The following RYR3 variants were observed in gnomAD, a reference collection of about 807,000 sequenced individuals.
RYR3 encodes the protein ryanodine receptor 3.
RYR3 carries 207 observed loss-of-function variants against 584.3 expected under a neutral mutation model. The observed-to-expected ratio is 0.35, with a 90% confidence interval of 0.32 to 0.40. The LOEUF (loss-of-function observed/expected upper bound fraction) is 0.40. Ranked by LOEUF, RYR3 falls within the 10% of genes least tolerant of loss-of-function variation. The pLI, the probability that RYR3 is intolerant of heterozygous loss-of-function variation, is 1.00. For missense variants in RYR3, 5,616 were observed against 6,089.2 expected (o/e 0.92, Z 2.59); for synonymous variants, 2,416 against 2,248.5 (o/e 1.07, Z -2.11).
At chr15:33,765,030 C>CA (rs1183335863) in intron 60 of RYR3, among the ~76,000 whole-genome samples, 48,549 of 85,448 alleles carry the variant, frequency 0.57, 14,399 homozygotes, top group Admixed American at 0.7. Flanking sequence ...GACTTCGTCT[C>CA]AAAAAAAAAA....
At position 33,662,809 on chromosome 15, in the gene RYR3, C is replaced by A. The variant is rs777812122; in HGVS notation, c.5279C>A (p.Ala1760Glu). 16 of 1,613,784 alleles carry A rather than the reference C, an allele frequency of 9.9e-6. No individual in the cohort carries two copies. The highest frequency in any genetic ancestry group is 6.6e-5 in the South Asian group (6 of 91,066). ...IDPSVFGEHS[A>E]GTEEGAEKEE... ...CCCTCTGTGTTTGGGGAGCATAGTG[C>A]GGGGACAGAGGAGGGAGCAGAAAAG... Residue 1760 changes from alanine (A) to glutamate (E), a missense_variant, in exon 35 of 104, where the codon GCG becomes GAG. Physicochemically the swap from Ala to Glu is moderately radical, Grantham distance 107 (BLOSUM62 -1). This residue lies in a region of RYR3 where 753 missense variants were observed against 741.0 expected (regional missense o/e 1.02). Coordinates refer to ENST00000634891, the MANE Select transcript of RYR3 (RefSeq NM_001036.6).
chr15:33,486,375 A>G (rs2050424430), intron 2 of RYR3, among the ~76,000 whole-genome samples: 1 of 152,056 alleles, frequency 6.6e-6, no homozygotes, highest in Non-Finnish European at 1.5e-5. Flanking sequence ...CTCTGCCTCC[A>G]TCTTTACGTG....
At chr15:33,348,306 C>G (rs887230335) in intron 1 of RYR3, among the ~76,000 whole-genome samples, 3 of 152,132 alleles carry the variant, frequency 2.0e-5, no homozygotes, top group Non-Finnish European at 2.9e-5. Flanking sequence ...ACATGCAGTT[C>G]CTATAGCCTG....
intron 1 of RYR3, among the ~76,000 whole-genome samples, chr15:33,416,463 AG>A (rs1159030928): frequency 1.3e-5 from 2 of 152,218 alleles, no homozygotes; most frequent in East Asian, 3.9e-4. Flanking sequence ...AGTAATGATG[AG>A]CATTTTTCAT....
intron 1 of RYR3, among the ~76,000 whole-genome samples, chr15:33,374,891 A>G (rs2040609698): frequency 6.6e-6 from 1 of 152,178 alleles, no homozygotes; most frequent in African/African-American, 2.4e-5. Flanking sequence ...GAGCTTGCAA[A>G]TTGGTGCTCC....
chr15:33,456,899 T>C (rs2047606603), intron 1 of RYR3, among the ~76,000 whole-genome samples: 1 of 152,242 alleles, frequency 6.6e-6, no homozygotes, highest in Non-Finnish European at 1.5e-5. Context: ...AATTCTAAGC[T>C]GACTTAGAGA....
Position 33,779,015 on chromosome 15 carries a change from A to G in RYR3, c.9138-1196A>G, listed in dbSNP as rs557272042. Among the ~76,000 whole-genome samples, 8 of 152,348 alleles carry G rather than the reference A, an allele frequency of 5.3e-5. No individual in the cohort carries two copies. The East Asian group carries it at 1.4e-3, about 26-fold the overall frequency. ...GATCACTTTTTAAAATATGTTTGGT[A>G]ACTTGAATGAAGACTGGGTGGCTTT... is the stretch of plus-strand genomic sequence containing the variant. On this transcript the variant is annotated intron_variant, in intron 64 of 103. Coordinates refer to ENST00000634891, the MANE Select transcript of RYR3 (RefSeq NM_001036.6).
chr15:33,622,775 T>G (rs1430038895), intron 19 of RYR3, among the ~76,000 whole-genome samples: 1 of 152,226 alleles, frequency 6.6e-6, no homozygotes, highest in Non-Finnish European at 1.5e-5. Flanking sequence ...GGAAAACTGG[T>G]TGTATTTCCT....
intron 63 of RYR3, among the ~76,000 whole-genome samples, chr15:33,772,641 C>T (rs2073664948): frequency 6.6e-6 from 1 of 152,144 alleles, no homozygotes; most frequent in African/African-American, 2.4e-5. Flanking sequence ...GCATTAACAC[C>T]ATATTTAGTG....
rs773821075 is a variant in RYR3 at position 33,731,515 on chromosome 15, G to A, written c.7245G>A (p.Arg2415=). The part of the protein sequence containing the change: ...STTEAALALN[R]YICSAVLPLL... ...CAGAGGCTGCGCTTGCACTAAATAG[G>A]TATATATGTTCTGCTGTGCTCCCGC... Residue 2415 remains arginine, a synonymous_variant, in exon 48 of 104, where the codon AGG becomes AGA. Transcript: ENST00000634891. The A allele has an allele frequency of 5.6e-6, 9 of 1,613,554 alleles. No homozygotes were observed. The highest frequency in any genetic ancestry group is 1.6e-4 in the Middle Eastern group (1 of 6,062).
chr15:33,794,349 A>ATATATATCATATATATATGTG (rs2075450144), intron 67 of RYR3, among the ~76,000 whole-genome samples: 1 of 102,474 alleles, frequency 9.8e-6, no homozygotes, highest in Non-Finnish European at 2.0e-5. Flanking sequence ...ATATATAAAA[A>ATATATATCATATATATATGTG]TATATATATA....
chr15:33,785,888 C>T lies in RYR3; in HGVS notation c.9495C>T (p.Thr3165=), dbSNP rs1328800557. Residue 3165 remains threonine (T), a synonymous_variant, in exon 66 of 104, where the codon ACC becomes ACT. Coordinates refer to ENST00000634891, the MANE Select transcript of RYR3 (RefSeq NM_001036.6). ...CAGGGCCATGCTGCACCAAGGTCAC[C>T]TCTGAACACCTCAGTCTCATCCTGG... is the stretch of plus-strand genomic sequence containing the variant. ...PSTGPCCTKV[T]SEHLSLILGN... is the part of the protein sequence containing the mutation. 1.9e-6 allele frequency: 3 copies of T among 1,613,764 alleles called. No homozygotes were observed. The African/African-American group carries it at 4.0e-5, about 22-fold the overall frequency.
At chr15:33,826,647 C>G (rs2077392705) in intron 83 of RYR3, 25 bp from the exon 84 acceptor site, 1 of 1,586,074 alleles carries the variant, frequency 6.3e-7, no homozygotes, top group Non-Finnish European at 8.7e-7. Flanking sequence ...CAAACCAATG[C>G]TCATCAACGT....
rs1184006718 is a variant in RYR3, at chr15:33,834,925, C to G, written c.11464-43C>G. 3 of 1,536,690 alleles carry G rather than the reference C, an allele frequency of 2.0e-6. No individual in the cohort carries two copies. In the African/African-American group the frequency reaches 4.1e-5, roughly 21 times the overall value. On this transcript the variant is annotated intron_variant, in intron 86 of 103. Coordinates refer to ENST00000634891, the MANE Select transcript of RYR3 (RefSeq NM_001036.6). The stretch of plus-strand genomic sequence containing the variant: ...CCTTACTAGACAGGTTTCAGAGCAA[C>G]TTGTGATGTTTAAGTGACATAAGAA...
intron 89 of RYR3, among the ~76,000 whole-genome samples, chr15:33,839,466 A>AT (rs2078231020): frequency 6.6e-6 from 1 of 152,210 alleles, no homozygotes; most frequent in Non-Finnish European, 1.5e-5. Context: ...AGTCAACAAG[A>AT]TTAAGTGAAC....
At chr15:33,339,056 A>G (rs1971484928) in intron 1 of RYR3, among the ~76,000 whole-genome samples, 1 of 152,204 alleles carries the variant, frequency 6.6e-6, no homozygotes, top group Non-Finnish European at 1.5e-5. Context: ...TCTTTCTTAT[A>G]TCGGTGGTTG....
At chr15:33,465,167 A>G (rs1371824367) in intron 1 of RYR3, among the ~76,000 whole-genome samples, 6 of 152,080 alleles carry the variant, frequency 3.9e-5, no homozygotes, top group Admixed American at 2.6e-4. Context: ...TTGTTTTTGT[A>G]TCTTGGCTAT....
chr15:33,663,649 G>A lies in RYR3; in HGVS notation c.5531G>A (p.Arg1844His), dbSNP rs767357259. The stretch of plus-strand genomic sequence containing the variant: ...AAGCTGCAGGCAAATCAGAAGTTCC[G>A]CTACAATGAGCTCATGCAGGCCCTG... Reference protein sequence around the residue: ...VSKLQANQKFRYNELMQALNM... With the variant: ...VSKLQANQKFHYNELMQALNM... The change falls in exon 36 of 104, where the codon CGC becomes CAC. Residue 1844 changes from arginine to histidine, a missense_variant. Transcript: ENST00000634891. 6 of 1,612,962 alleles carry A rather than the reference G, an allele frequency of 3.7e-6. No individual in the cohort carries two copies. The highest frequency in any genetic ancestry group is 1.7e-5 in the Admixed American group (1 of 59,948).
chr15:33,371,615 C>T (rs1321768613), intron 1 of RYR3, among the ~76,000 whole-genome samples: 1 of 152,176 alleles, frequency 6.6e-6, no homozygotes, highest in African/African-American at 2.4e-5. Flanking sequence ...AGGCAGTAGA[C>T]ATTTTACTAG....
Sources: allele counts gnomAD v4.1 joint callset (sites outside exome capture counted in the v4.1 genomes callset), GRCh38; gene constraint gnomAD v4.1.1; regional missense constraint gnomAD v4.1.1; transcripts MANE v1.5; gene names NCBI Gene and HGNC (gene_info 2026-07-23, HGNC 2026-07-21).